The following GPC3 variants were observed in gnomAD, a reference collection of about 807,000 sequenced individuals.
GPC3 encodes glypican 3, also known as glypican-3.
In GPC3, 3 loss-of-function variants were observed where a neutral mutation model predicts 34.4. The observed-to-expected ratio is 0.09, with a 90% CI of 0.04 to 0.23. The LOEUF (loss-of-function observed/expected upper bound fraction) is 0.23, where lower values mean the gene tolerates loss of function less well. Ranked by LOEUF, GPC3 falls within the 10% of genes least tolerant of loss-of-function variation. GPC3 has a pLI of 1.00. For synonymous variants in GPC3, 177 were observed against 174.0 expected, an observed-to-expected ratio of 1.02 and a Z score of -0.13; for missense variants, 351 against 445.6, an observed-to-expected ratio of 0.79 and a Z score of 1.91.
At chrX:133,740,282 A>C (rs2071551053) in intron 3 of GPC3, among the ~76,000 whole-genome samples, 1 of 112,124 alleles carries the variant, frequency 8.9e-6, no homozygotes, top group African/African-American at 3.2e-5. Context: ...CAGATGTGTG[A>C]GGAAAACGTT....
chrX:133,562,924 T>C (rs2069552037), intron 7 of GPC3, among the ~76,000 whole-genome samples: 1 of 111,205 alleles, frequency 9.0e-6, no homozygotes, highest in African/African-American at 3.3e-5. Flanking sequence ...ATCTGCAAAA[T>C]AGGGACAATA....
intron 2 of GPC3, among the ~76,000 whole-genome samples, chrX:133,857,460 A>T (rs1289247133): frequency 9.0e-6 from 1 of 111,302 alleles, no homozygotes; most frequent in Non-Finnish European, 1.9e-5. Context: ...CTTCCCTTTC[A>T]CCCCATGAGG....
At chrX:133,563,811 T>G (rs780141127) in intron 7 of GPC3, among the ~76,000 whole-genome samples, 1 of 112,203 alleles carries the variant, frequency 8.9e-6, no homozygotes, top group African/African-American at 3.2e-5. Context: ...ATGAATGTTT[T>G]ATTTAACCAA....
At position 133,837,736 on chromosome X, in the gene GPC3, C is replaced by T. The variant is rs781016773; in HGVS notation, c.338-83560G>A. ...ACTGATCAGTTCTGTACCTTGCTTT[C>T]GTTTAACTCTCAGACCAAATACCAA... On this transcript the variant is annotated intron_variant, in intron 2 of 7. Transcript: ENST00000370818. Among the ~76,000 whole-genome samples the T allele has an allele frequency of 5.4e-5, 6 of 111,792 alleles. No homozygotes were observed. The East Asian group carries it at 1.7e-3, about 31-fold the overall frequency.
intron 7 of GPC3, among the ~76,000 whole-genome samples, chrX:133,577,978 ATCTTCT>A (rs1052577475): frequency 9.0e-6 from 1 of 111,621 alleles, no homozygotes; most frequent in African/African-American, 3.3e-5. Flanking sequence ...CCCTCTGTGT[ATCTTCT>A]TCTTCTTCTA....
chrX:133,814,405 G>C (rs1475368802), intron 2 of GPC3, among the ~76,000 whole-genome samples: 1 of 111,077 alleles, frequency 9.0e-6, no homozygotes, highest in African/African-American at 3.3e-5. Flanking sequence ...ACTGAGGCTT[G>C]TCTGCTCACT....
chrX:133,723,041 G>T (rs2071383097), intron 3 of GPC3, among the ~76,000 whole-genome samples: 1 of 106,761 alleles, frequency 9.4e-6, no homozygotes, highest in African/African-American at 3.6e-5. Context: ...TAAAATGTCA[G>T]TCATGGTTTC....
chrX:133,757,693 A>T (rs1274071377), intron 2 of GPC3, among the ~76,000 whole-genome samples: 1 of 111,335 alleles, frequency 9.0e-6, no homozygotes, highest in Non-Finnish European at 1.9e-5. Context: ...TTTCAAGGCA[A>T]TTTTTCCAGC....
At chrX:133,647,230 T>G (rs1249856156) in intron 6 of GPC3, among the ~76,000 whole-genome samples, 1 of 112,542 alleles carries the variant, frequency 8.9e-6, no homozygotes, top group Non-Finnish European at 1.9e-5. Flanking sequence ...TTTTACTTAT[T>G]TATGCAATAA....
At chrX:133,938,144 A>G (rs1323125028) in intron 2 of GPC3, among the ~76,000 whole-genome samples, 1 of 112,255 alleles carries the variant, frequency 8.9e-6, no homozygotes, top group African/African-American at 3.2e-5. Context: ...AAATTAACAA[A>G]CACAAGCTAA....
At chrX:133,932,331 A>G (rs757378963) in intron 2 of GPC3, among the ~76,000 whole-genome samples, 34 of 112,261 alleles carry the variant, frequency 3.0e-4, no homozygotes, top group Non-Finnish European at 6.0e-4. Context: ...GTTGAAAACC[A>G]TAAGGGTAAA....
intron 6 of GPC3, among the ~76,000 whole-genome samples, chrX:133,655,602 A>G (rs1361908789): frequency 9.0e-6 from 1 of 111,494 alleles, no homozygotes; most frequent in Non-Finnish European, 1.9e-5. Context: ...TAAGACAGAC[A>G]CTGGGACATA....
chrX:133,843,473 G>T (rs1159031680), intron 2 of GPC3, among the ~76,000 whole-genome samples: 1 of 111,472 alleles, frequency 9.0e-6, no homozygotes, highest in East Asian at 2.8e-4. Flanking sequence ...GCCCTCACCA[G>T]AAGCAAATCC....
intron 2 of GPC3, among the ~76,000 whole-genome samples, chrX:133,838,533 GA>G (rs1211901081): frequency 8.9e-6 from 1 of 112,317 alleles, no homozygotes; most frequent in Non-Finnish European, 1.9e-5. Context: ...ATTTCTGACA[GA>G]AAAAAAGATC....
intron 2 of GPC3, among the ~76,000 whole-genome samples, chrX:133,771,752 G>C (rs950912907): frequency 2.7e-5 from 3 of 112,155 alleles, no homozygotes; most frequent in Non-Finnish European, 5.6e-5. Context: ...CCAAACTAGA[G>C]AAGTAAATTG....
chrX:133,904,027 G>C (rs1331903941), intron 2 of GPC3, among the ~76,000 whole-genome samples: 1 of 112,187 alleles, frequency 8.9e-6, no homozygotes, highest in Non-Finnish European at 1.9e-5. Flanking sequence ...AGCCGTGCCA[G>C]TACCGAGGTA....
intron 6 of GPC3, among the ~76,000 whole-genome samples, chrX:133,602,490 A>G (rs954047874): frequency 9.0e-6 from 1 of 111,227 alleles, no homozygotes; most frequent in African/African-American, 3.3e-5. Flanking sequence ...CCTTATGAGA[A>G]TCTAATGCCT....
At chrX:133,698,481 A>T (rs2071136650) in intron 4 of GPC3, among the ~76,000 whole-genome samples, 1 of 112,235 alleles carries the variant, frequency 8.9e-6, no homozygotes, top group Admixed American at 9.5e-5. Context: ...CAAACAGATG[A>T]CTTCTGAATA....
intron 2 of GPC3, among the ~76,000 whole-genome samples, chrX:133,839,927 C>CAAAAAAA (rs138981758): frequency 2.0e-5 from 1 of 50,087 alleles, no homozygotes; most frequent in African/African-American, 6.2e-5. Context: ...GACTCCGTTT[C>CAAAAAAA]AAAAAAAAAA....
Sources: allele counts gnomAD v4.1 joint callset (sites outside exome capture counted in the v4.1 genomes callset), GRCh38; gene constraint gnomAD v4.1.1; transcripts MANE v1.5; gene names NCBI Gene and HGNC (gene_info 2026-07-23, HGNC 2026-07-21).